The following DHRS7C variants were observed in gnomAD, a reference collection of about 807,000 sequenced individuals.
The protein encoded by DHRS7C is dehydrogenase/reductase SDR family member 7C.
In DHRS7C, 28 loss-of-function variants were observed where a neutral mutation model predicts 29.6. The ratio of observed to expected loss-of-function variants is 0.95; its 90% confidence interval spans 0.70 to 1.30. The LOEUF is 1.30. DHRS7C is among the 50% of genes most tolerant of loss of function. The pLI is 0.00. For synonymous variants in DHRS7C, 158 were observed against 160.2 expected (o/e 0.99, Z 0.10); for missense variants, 403 against 393.3 (o/e 1.02, Z -0.21).
intron 5 of DHRS7C, among the ~76,000 whole-genome samples, chr17:9,772,049 C>T (rs2066332444): frequency 6.6e-6 from 1 of 152,144 alleles, no homozygotes; most frequent in Non-Finnish European, 1.5e-5. Context: ...TTGTCAGGAG[C>T]ATCCTGGAAC....
In DHRS7C at chr17:9,777,304, T is replaced by G. The variant is rs765523621; in HGVS notation, c.479-19A>C. 3 of 1,606,940 alleles carry G rather than the reference T, an allele frequency of 1.9e-6. No homozygotes were observed. Among genetic ancestry groups the G allele is most frequent in the African/African-American group, 2.7e-5 (2 of 74,718 alleles). The stretch of plus-strand genomic sequence containing the variant: ...AGCAGGGCTGGAAAACACAGGACGA[T>G]GCATCATGGTTAAAACTTTGAGACT... On this transcript the variant is annotated intron_variant, in intron 3 of 5. Transcript: ENST00000571134.
intron 1 of DHRS7C, among the ~76,000 whole-genome samples, chr17:9,790,217 C>T (rs2066447296): frequency 6.6e-6 from 1 of 152,104 alleles, no homozygotes; most frequent in African/African-American, 2.4e-5. Flanking sequence ...ATAGTGGACT[C>T]AGTGGACACT....
Position 9,791,208 on chromosome 17 carries a change from A to C in DHRS7C, c.77T>G (p.Val26Gly), listed in dbSNP as rs769558034. Residue 26 changes from valine (V) to glycine (G), a missense_variant, in exon 1 of 6, where the codon GTG becomes GGG. Coordinates refer to ENST00000571134, the MANE Select transcript of DHRS7C (RefSeq NM_001105571.3). Reference sequence around the variant, plus strand: ...AGCTGACTTTGACCACAGCCTGGACACCTCTTGGTAAATGAAGAGGAGGCC... The same window carrying C: ...AGCTGACTTTGACCACAGCCTGGACCCCTCTTGGTAAATGAAGAGGAGGCC... ...ISGLLFIYQE[V>G]SRLWSKSAVQ... 5.0e-6 allele frequency: 8 copies of C among 1,613,548 alleles called. No homozygotes were observed. The highest frequency in any genetic ancestry group is 6.8e-6 in the Non-Finnish European group (8 of 1,179,798).
chr17:9,785,992 C>T (rs528780042), intron 1 of DHRS7C, among the ~76,000 whole-genome samples: 2 of 152,046 alleles, frequency 1.3e-5, no homozygotes, highest in Admixed American at 6.5e-5. Flanking sequence ...TGCTCTGTTT[C>T]GGGACCCACC....
intron 1 of DHRS7C, among the ~76,000 whole-genome samples, chr17:9,783,562 G>A (rs1256481885): frequency 6.6e-6 from 1 of 152,188 alleles, no homozygotes; most frequent in Non-Finnish European, 1.5e-5. Flanking sequence ...TAAAGAGTTA[G>A]CAGTTCAAGT....
Position 9,774,753 on chromosome 17 carries a change from A to G in DHRS7C, c.572-1831T>C, listed in dbSNP as rs1324022631. Among the ~76,000 whole-genome samples the G allele has an allele frequency of 6.6e-6, 1 of 152,172 alleles. No homozygotes were observed. The highest frequency in any genetic ancestry group is 6.5e-5 in the Admixed American group (1 of 15,280). On this transcript the variant is annotated intron_variant, in intron 4 of 5. Coordinates refer to ENST00000571134, the MANE Select transcript of DHRS7C (RefSeq NM_001105571.3). This position sits in a 1 kb window ranked among gnomAD's most constrained non-coding sequence, Gnocchi z 5.0. The stretch of plus-strand genomic sequence containing the variant: ...TGTGCTGGGGTGCTCAGGGACACTG[A>G]ATTCCTTTTGGGTGGTCAAAAGAAA...
chr17:9,787,987 C>T (rs1238629783), intron 1 of DHRS7C, among the ~76,000 whole-genome samples: 1 of 152,050 alleles, frequency 6.6e-6, no homozygotes, highest in African/African-American at 2.4e-5. Flanking sequence ...GTTGGGATTA[C>T]AGGCGTGAGC....
intron 1 of DHRS7C, among the ~76,000 whole-genome samples, chr17:9,787,097 C>G (rs978090812): frequency 6.6e-6 from 1 of 152,202 alleles, no homozygotes; most frequent in African/African-American, 2.4e-5. Context: ...AGGCGTCCAC[C>G]ATCATGCCCA....
chr17:9,777,460 A>C (rs1335849084), intron 3 of DHRS7C, among the ~76,000 whole-genome samples, 175 bp from the exon 4 acceptor site: 2 of 152,116 alleles, frequency 1.3e-5, no homozygotes, highest in Non-Finnish European at 2.9e-5. Flanking sequence ...AGTGTTTCCA[A>C]AGCGTGGGCT....
chr17:9,780,053 G>C lies in DHRS7C; in HGVS notation c.268-18C>G, dbSNP rs1236259452. On this transcript the variant is annotated intron_variant, in intron 2 of 5. Coordinates refer to ENST00000571134, the MANE Select transcript of DHRS7C (RefSeq NM_001105571.3). ...GTGAATGTCTGCTGAACCAATGAGA[G>C]AGTCAGGGTATGTGTGAGATCTCCT... 8 of 1,610,580 alleles carry C rather than the reference G, an allele frequency of 5.0e-6. No individual in the cohort carries two copies. Among genetic ancestry groups the C allele is most frequent in the African/African-American group, 1.3e-5 (1 of 74,770 alleles).
At chr17:9,789,811 A>G (rs2066444717) in intron 1 of DHRS7C, among the ~76,000 whole-genome samples, 1 of 151,792 alleles carries the variant, frequency 6.6e-6, no homozygotes, top group Non-Finnish European at 1.5e-5. Context: ...AGGGCGGCAC[A>G]CTCCCTGTTG....
At chr17:9,773,057 C>A in intron 4 of DHRS7C, 135 bp from the exon 5 acceptor site, 1 of 1,108,948 alleles carries the variant, frequency 9.0e-7, no homozygotes, top group South Asian at 1.6e-5. Context: ...AGAATCTGCC[C>A]CTCACTTTAC....
chr17:9,776,796 C>T (rs919810691), intron 4 of DHRS7C, among the ~76,000 whole-genome samples: 1 of 152,144 alleles, frequency 6.6e-6, no homozygotes, highest in Admixed American at 6.6e-5. Flanking sequence ...GATGTGCACC[C>T]ACCCTTCTCT....
chr17:9,786,221 G>A (rs369235185), intron 1 of DHRS7C, among the ~76,000 whole-genome samples: 10 of 151,912 alleles, frequency 6.6e-5, no homozygotes, highest in South Asian at 4.2e-4. Flanking sequence ...CAGCTACTCC[G>A]GAGGCTGAGG....
At chr17:9,772,005 G>A (rs1004109742) in intron 5 of DHRS7C, among the ~76,000 whole-genome samples, 1 of 152,198 alleles carries the variant, frequency 6.6e-6, no homozygotes, top group Non-Finnish European at 1.5e-5. Flanking sequence ...GGTGGATTAA[G>A]GGACTGTTGT....
At chr17:9,778,394 CAAA>C (rs60847065) in intron 3 of DHRS7C, among the ~76,000 whole-genome samples, 6 of 82,956 alleles carry the variant, frequency 7.2e-5, no homozygotes, top group Admixed American at 1.3e-4. Flanking sequence ...GACTCCGTCT[CAAA>C]AAAAAAAAAA....
chr17:9,783,670 A>C (rs899687560), intron 1 of DHRS7C, among the ~76,000 whole-genome samples: 10 of 152,214 alleles, frequency 6.6e-5, no homozygotes, highest in African/African-American at 1.9e-4. Flanking sequence ...AGAATGTATT[A>C]CGTAAAAAGT....
At chr17:9,782,896 G>C (rs754714414) in intron 1 of DHRS7C, 23 of 152,410 alleles carry the variant, frequency 1.5e-4, no homozygotes, top group Non-Finnish European at 2.4e-4. Context: ...GTGAACTCAG[G>C]GTTGTGTGAT....
intron 1 of DHRS7C, among the ~76,000 whole-genome samples, chr17:9,789,150 G>A (rs74941886): frequency 0.21 from 31,801 of 152,066 alleles, 3,766 homozygotes; most frequent in Non-Finnish European, 0.27. Flanking sequence ...GCAAGGCTAC[G>A]GAAGAACTGA....
Sources: allele counts gnomAD v4.1 joint callset (sites outside exome capture counted in the v4.1 genomes callset), GRCh38; gene constraint gnomAD v4.1.1; non-coding constraint Gnocchi (gnomAD v3.1); transcripts MANE v1.5; gene names NCBI Gene and HGNC (gene_info 2026-07-23, HGNC 2026-07-21).